ZNF439: variants seen among roughly 807,000 people sequenced by gnomAD.
ZNF439 encodes zinc finger protein 439.
In ZNF439, 40 loss-of-function variants were observed where a neutral mutation model predicts 47.3. The ratio of observed to expected loss-of-function variants is 0.85; its 90% confidence interval spans 0.66 to 1.10. The LOEUF (loss-of-function observed/expected upper bound fraction) is 1.10. Ranked by LOEUF, ZNF439 falls within the 50% of genes least tolerant of loss-of-function variation. The pLI is 0.00. For synonymous variants in ZNF439, 171 were observed against 198.8 expected (o/e 0.86, Z 1.18); for missense variants, 556 against 601.1 (o/e 0.93, Z 0.78).
chr19:11,866,404 G>C (rs1036881002), intron 2 of ZNF439, 73 bp downstream of exon 2: 2 of 1,607,624 alleles, frequency 1.2e-6, no homozygotes, highest in Non-Finnish European at 1.7e-6. Context: ...GCTGTTGAGT[G>C]ATTTGGAACA....
intron 1 of ZNF439, among the ~76,000 whole-genome samples, chr19:11,851,914 T>C (rs1220881271): frequency 6.6e-6 from 1 of 152,200 alleles, no homozygotes; most frequent in African/African-American, 2.4e-5. Flanking sequence ...TCCACAAGTC[T>C]TGGGATTGCA....
chr19:11,851,391 G>A (rs1181344400), intron 1 of ZNF439, among the ~76,000 whole-genome samples: 1 of 152,198 alleles, frequency 6.6e-6, no homozygotes, highest in African/African-American at 2.4e-5. Flanking sequence ...TATGGGTATT[G>A]GGGTATTGGG....
In ZNF439 at chr19:11,851,662, A is replaced by AT. The variant is rs59080807; in HGVS notation, c.63+2747dup. On this transcript the variant is annotated intron_variant, in intron 1 of 3. Coordinates refer to ENST00000682736, the MANE Select transcript of ZNF439 (RefSeq NM_001348719.2). The stretch of plus-strand genomic sequence containing the variant: ...CTGATGTATGAGGTACAATAATTTA[A>AT]TTTTTTTTTTTTTTTGAGGCAATGT... 4.5e-3 allele frequency among the ~76,000 whole-genome samples: 649 copies of AT among 145,744 alleles called. 3 individuals carry two copies. The highest frequency in any genetic ancestry group is 0.011 in the Middle Eastern group (3 of 284).
At chr19:11,852,417 G>A (rs954037556) in intron 1 of ZNF439, among the ~76,000 whole-genome samples, 1 of 152,220 alleles carries the variant, frequency 6.6e-6, no homozygotes, top group Non-Finnish European at 1.5e-5. Context: ...CTATTTGAAA[G>A]CTGTGTGTCA....
rs1221654778 is a variant in ZNF439 at position 11,848,815 on chromosome 19, C to G, written c.-53C>G. On this transcript the variant is annotated 5_prime_UTR_variant, in exon 1 of 4. Coordinates refer to ENST00000682736, the MANE Select transcript of ZNF439 (RefSeq NM_001348719.2). ...GGTTGGGATCTGGCCTTTCCAGCCC[C>G]GAGAGGGACCTAGTGCCTCTACCCA... is the stretch of plus-strand genomic sequence containing the variant. 13 of 1,485,094 alleles carry G rather than the reference C, an allele frequency of 8.8e-6. No homozygotes were observed. The highest frequency in any genetic ancestry group is 5.7e-5 in the African/African-American group (4 of 70,190). 92.0% of individuals were successfully genotyped at this position (1,485,094 alleles called of 1,614,324 possible). A position where few individuals can be genotyped will look rare whatever the true frequency, so the allele number is the denominator to read the frequency against.
intron 2 of ZNF439, 39 bp from the exon 3 acceptor site, chr19:11,866,498 A>G (rs1234661447): frequency 6.2e-7 from 1 of 1,607,856 alleles, no homozygotes; most frequent in Non-Finnish European, 8.5e-7. Context: ...TCACAATTTT[A>G]TACTGCCTCA....
intron 1 of ZNF439, among the ~76,000 whole-genome samples, chr19:11,865,206 G>T (rs1447185862): frequency 2.0e-5 from 3 of 152,152 alleles, no homozygotes; most frequent in Admixed American, 6.5e-5. Flanking sequence ...ACCCCAGGAA[G>T]GTCGTATAGT....
chr19:11,849,068 CTGGA>C, intron 1 of ZNF439, 138 bp downstream of exon 1: 1 of 1,225,976 alleles, frequency 8.2e-7, no homozygotes, highest in East Asian at 5.2e-5. Context: ...CCCGCGGCCG[CTGGA>C]TGTGGGTGGG....
At chr19:11,859,784 T>C (rs1976491128) in intron 1 of ZNF439, among the ~76,000 whole-genome samples, 1 of 152,176 alleles carries the variant, frequency 6.6e-6, no homozygotes, top group Admixed American at 6.6e-5. Context: ...AGTACAGATG[T>C]TTCTGCTATT....
At chr19:11,860,384 C>T (rs988612214) in intron 1 of ZNF439, among the ~76,000 whole-genome samples, 3 of 152,106 alleles carry the variant, frequency 2.0e-5, no homozygotes, top group Admixed American at 6.5e-5. Context: ...GAGCACCTAC[C>T]TTATATTGCT....
At chr19:11,851,544 G>A (rs1301952920) in intron 1 of ZNF439, among the ~76,000 whole-genome samples, 2 of 152,126 alleles carry the variant, frequency 1.3e-5, no homozygotes, top group African/African-American at 4.8e-5. Context: ...GAGCTGGTTG[G>A]TCTTTCTCTG....
At chr19:11,861,829 C>T (rs1046082195) in intron 1 of ZNF439, among the ~76,000 whole-genome samples, 2 of 152,176 alleles carry the variant, frequency 1.3e-5, no homozygotes, top group Non-Finnish European at 2.9e-5. Context: ...CAGGGAATCA[C>T]CACCAGTCAC....
At chr19:11,867,159 G>A in intron 3 of ZNF439, 147 bp from the exon 4 acceptor site, 1 of 955,362 alleles carries the variant, frequency 1.0e-6, no homozygotes, top group South Asian at 1.8e-5. Context: ...TGTAGAATGT[G>A]TTGTCCAGTC....
rs71166640 is a variant in ZNF439, at chr19:11,865,712, CAAAAAAAA to C, written c.64-472_64-465del. ...CAGCTGACAGAGCGATACACTATCA[CAAAAAAAA>C]AAAAAAAAAAAAAAAAAAAATTGCT... On this transcript the variant is annotated intron_variant, in intron 1 of 3. Coordinates refer to ENST00000682736, the MANE Select transcript of ZNF439 (RefSeq NM_001348719.2). Among the ~76,000 whole-genome samples the C allele has an allele frequency of 2.8e-3, 227 of 81,996 alleles. 2 individuals are homozygous for C. Among genetic ancestry groups the C allele is most frequent in the Non-Finnish European group, 1.9e-3 (95 of 49,620 alleles). 53.8% of individuals were successfully genotyped at this position (81,996 alleles called of 152,430 possible). A position where few individuals can be genotyped will look rare whatever the true frequency, so the allele number is the denominator to read the frequency against.
At chr19:11,851,597 C>T (rs901015182) in intron 1 of ZNF439, among the ~76,000 whole-genome samples, 28 of 151,980 alleles carry the variant, frequency 1.8e-4, no homozygotes, top group Admixed American at 1.4e-3. Flanking sequence ...TATAGGGAAA[C>T]GGCAAATAAA....
chr19:11,866,630 C>G, intron 3 of ZNF439, 33 bp downstream of exon 3: 1 of 1,593,752 alleles, frequency 6.3e-7, no homozygotes, highest in Non-Finnish European at 8.6e-7. Flanking sequence ...AGCAGTGTCT[C>G]TCTACACGAT....
At chr19:11,849,977 C>G (rs1052689103) in intron 1 of ZNF439, 6 of 152,298 alleles carry the variant, frequency 3.9e-5, no homozygotes, top group South Asian at 4.1e-4. Context: ...TGTCTCACCT[C>G]CCATCCTGTC....
chr19:11,866,904 G>A (rs867662758), intron 3 of ZNF439, among the ~76,000 whole-genome samples: 27 of 152,164 alleles, frequency 1.8e-4, no homozygotes, highest in Middle Eastern at 3.4e-3. Flanking sequence ...GTATGCATCC[G>A]TAGTCCCAGC....
At chr19:11,856,195 T>C (rs1976381816) in intron 1 of ZNF439, 1 of 152,204 alleles carries the variant, frequency 6.6e-6, no homozygotes, top group African/African-American at 2.4e-5. Flanking sequence ...AGTCAAACAA[T>C]TTAAAGTAAA....
Sources: gnomAD v4.1 joint callset for allele counts (sites outside exome capture counted in the v4.1 genomes callset) on GRCh38, gnomAD v4.1.1 for gene constraint, MANE v1.5 for transcripts, NCBI Gene and HGNC (gene_info 2026-07-23, HGNC 2026-07-21) for gene names.